ZNF285: variants seen among roughly 807,000 people sequenced by gnomAD.
ZNF285 encodes zinc finger protein 285, also known as zinc finger protein 285A.
Under a neutral mutation model 6.2 loss-of-function variants are expected in ZNF285, and 4 were observed. The ratio of observed to expected loss-of-function variants is 0.65; its 90% confidence interval spans 0.32 to 1.49. The LOEUF is 1.49. ZNF285 is among the 40% of genes most tolerant of loss of function. The pLI is 0.07. For missense variants in ZNF285, 695 were observed against 708.8 expected, an observed-to-expected ratio of 0.98 and a Z score of 0.22; for synonymous variants, 240 against 245.8, an observed-to-expected ratio of 0.98 and a Z score of 0.22.
rs1367898455 is a variant in ZNF285 at position 44,384,962 on chromosome 19, A to G, written c.*1510T>C. The G allele has an allele frequency of 2.2e-5, 3 of 138,476 alleles. No homozygotes were observed. The highest frequency in any genetic ancestry group is 4.5e-5 in the Non-Finnish European group (3 of 66,588). The allele number at this position is 138,476 out of a possible 1,614,324, so 8.6% of individuals were successfully genotyped here. A position where few individuals can be genotyped will look rare whatever the true frequency, so the allele number is the denominator to read the frequency against. ...CAGCGAGCAATGATCAGGCCACTGCACTCCAGCCACCTGGGTGACACAGCA... is the reference window on the plus strand; with the variant it reads ...CAGCGAGCAATGATCAGGCCACTGCGCTCCAGCCACCTGGGTGACACAGCA... On this transcript the variant is annotated 3_prime_UTR_variant, in exon 4 of 4. Transcript: ENST00000614994.
chr19:44,383,218 A>T lies in ZNF285; in HGVS notation c.*3254T>A, dbSNP rs1971027099. On this transcript the variant is annotated 3_prime_UTR_variant, in exon 4 of 4. Coordinates refer to ENST00000614994, the MANE Select transcript of ZNF285 (RefSeq NM_152354.6). ...TAACATTATTCTCTAGCATAAAAAT[A>T]GTATCTTCCTTTTCCTTCCAATGAT... 6.6e-6 allele frequency: 1 copy of T among 152,212 alleles called. No homozygotes were observed. 9.4% of individuals were successfully genotyped at this position (152,212 alleles called of 1,614,324 possible). A position where few individuals can be genotyped will look rare whatever the true frequency, so the allele number is the denominator to read the frequency against.
chr19:44,394,855 C>A (rs986978444), intron 2 of ZNF285, among the ~76,000 whole-genome samples: 4 of 152,186 alleles, frequency 2.6e-5, no homozygotes, highest in African/African-American at 9.7e-5. Flanking sequence ...AATAGCACCA[C>A]TCTCTCAGTA....
At position 44,385,201 on chromosome 19, in the gene ZNF285, T is replaced by A. The variant is rs1054456291; in HGVS notation, c.*1271A>T. On this transcript the variant is annotated 3_prime_UTR_variant, in exon 4 of 4. Coordinates refer to ENST00000614994, the MANE Select transcript of ZNF285 (RefSeq NM_152354.6). ...TTTTACATGTTGTTGGTCACTTTAG[T>A]AAATGTTGATTTTATTCAATTAATT... 1.3e-5 allele frequency: 2 copies of A among 152,164 alleles called. No individual in the cohort carries two copies. The highest frequency in any genetic ancestry group is 2.9e-5 in the Non-Finnish European group (2 of 68,024). 9.4% of individuals were successfully genotyped at this position (152,164 alleles called of 1,614,324 possible).
intron 2 of ZNF285, among the ~76,000 whole-genome samples, chr19:44,394,089 T>A (rs1361998747): frequency 1.2e-4 from 18 of 152,134 alleles, no homozygotes; most frequent in Non-Finnish European, 1.9e-4. Flanking sequence ...CATAAAAAAA[T>A]GATGAGTTCA....
At chr19:44,398,699 G>T (rs1971325703) in intron 1 of ZNF285, among the ~76,000 whole-genome samples, 1 of 152,074 alleles carries the variant, frequency 6.6e-6, no homozygotes, top group South Asian at 2.1e-4. Context: ...TACCCAATTT[G>T]AGTGTTCTGT....
At position 44,386,985 on chromosome 19, in the gene ZNF285, C is replaced by T; in HGVS notation, c.1260G>A (p.Arg420=). Residue 420 remains arginine (R), a synonymous_variant, in exon 4 of 4, where the codon AGG becomes AGA. Transcript: ENST00000614994. The part of the protein sequence containing the change: ...SSSSVLQVHW[R]FHTGEKPYRC... ...TATATGGTTTCTCCCCTGTGTGAAA[C>T]CTCCAGTGGACTTGAAGAACGGAGC... 1 of 1,613,958 alleles carries T rather than the reference C, an allele frequency of 6.2e-7. No homozygotes were observed. Among genetic ancestry groups the T allele is most frequent in the Non-Finnish European group, 8.5e-7 (1 of 1,179,988 alleles).
rs746510990 is a variant in ZNF285, at chr19:44,386,093, T to A, written c.*379A>T. 8.7e-5 allele frequency: 16 copies of A among 183,848 alleles called. No individual in the cohort carries two copies. The highest frequency in any genetic ancestry group is 8.2e-5 in the Non-Finnish European group (7 of 85,490). The allele number at this position is 183,848 out of a possible 1,614,324, so 11.4% of individuals were successfully genotyped here. On this transcript the variant is annotated 3_prime_UTR_variant, in exon 4 of 4. Coordinates refer to ENST00000614994, the MANE Select transcript of ZNF285 (RefSeq NM_152354.6). Reference sequence around the variant, plus strand: ...GAATGTTCTTCATACAGAGAGTATTTTTCTACTGGGGACTAAAAAAAAATC... The same window carrying A: ...GAATGTTCTTCATACAGAGAGTATTATTCTACTGGGGACTAAAAAAAAATC...
intron 1 of ZNF285, among the ~76,000 whole-genome samples, chr19:44,398,050 A>C (rs1971313970): frequency 6.6e-6 from 1 of 152,148 alleles, no homozygotes; most frequent in African/African-American, 2.4e-5. Context: ...CCCAATTTTT[A>C]TTATTATGTT....
At chr19:44,391,102 C>T (rs190298242) in intron 3 of ZNF285, among the ~76,000 whole-genome samples, 1 of 149,032 alleles carries the variant, frequency 6.7e-6, no homozygotes, top group East Asian at 2.0e-4. Context: ...TGCAGTGAGC[C>T]AAGATAGCAC....
At chr19:44,391,021 G>T (rs570966810) in intron 3 of ZNF285, among the ~76,000 whole-genome samples, 1 of 152,066 alleles carries the variant, frequency 6.6e-6, no homozygotes, top group East Asian at 1.9e-4. Flanking sequence ...GGGTGTGGTG[G>T]TGCATGTCTG....
chr19:44,389,407 G>A (rs1315357251), intron 3 of ZNF285, among the ~76,000 whole-genome samples: 1 of 152,130 alleles, frequency 6.6e-6, no homozygotes, highest in Non-Finnish European at 1.5e-5. Context: ...CAGGGAAAGG[G>A]AGACCATGAG....
At chr19:44,394,341 A>G (rs1971244964) in intron 2 of ZNF285, among the ~76,000 whole-genome samples, 1 of 152,134 alleles carries the variant, frequency 6.6e-6, no homozygotes, top group Admixed American at 6.5e-5. Flanking sequence ...CAGCACACCA[A>G]CATGGCACAT....
intron 3 of ZNF285, among the ~76,000 whole-genome samples, chr19:44,389,510 G>C (rs8109513): frequency 6.6e-6 from 1 of 152,086 alleles, no homozygotes; most frequent in African/African-American, 2.4e-5. Context: ...GAATAGGCAC[G>C]AACATCAACA....
chr19:44,385,181 C>T lies in ZNF285; in HGVS notation c.*1291G>A, dbSNP rs1458956425. On this transcript the variant is annotated 3_prime_UTR_variant, in exon 4 of 4. Transcript: ENST00000614994. ...TGCAATGAACACTGTTGGTTTTTTA[C>T]ATGTTGTTGGTCACTTTAGTAAATG... The T allele has an allele frequency of 2.6e-5, 4 of 152,096 alleles. No individual in the cohort carries two copies. Among genetic ancestry groups the T allele is most frequent in the African/African-American group, 9.7e-5 (4 of 41,412 alleles). The allele number at this position is 152,096 out of a possible 1,614,324, so 9.4% of individuals were successfully genotyped here.
chr19:44,394,591 AC>A, intron 2 of ZNF285: 2 of 557,802 alleles, frequency 3.6e-6, no homozygotes, highest in South Asian at 5.3e-5. Context: ...AATTAAAAAA[AC>A]CATCTCCTCA....
intron 2 of ZNF285, among the ~76,000 whole-genome samples, chr19:44,395,466 A>G (rs527305965): frequency 2.0e-5 from 3 of 152,314 alleles, no homozygotes; most frequent in African/African-American, 7.2e-5. Context: ...TACAACAACT[A>G]ACTGTATGAT....
rs967617379 is a variant in ZNF285, at chr19:44,386,107, T to TA, written c.*364dup. ...CAGAGAGTATTTTTCTACTGGGGAC[T>TA]AAAAAAAAATCTAAAGACGTTGGCT... On this transcript the variant is annotated 3_prime_UTR_variant, in exon 4 of 4. Coordinates refer to ENST00000614994, the MANE Select transcript of ZNF285 (RefSeq NM_152354.6). 1.1e-4 allele frequency: 21 copies of TA among 187,494 alleles called. No homozygotes were observed. Among genetic ancestry groups the TA allele is most frequent in the East Asian group, 6.1e-4 (5 of 8,210 alleles). 11.6% of individuals were successfully genotyped at this position (187,494 alleles called of 1,614,324 possible). A position where few individuals can be genotyped will look rare whatever the true frequency, so the allele number is the denominator to read the frequency against.
At position 44,385,499 on chromosome 19, in the gene ZNF285, A is replaced by T. The variant is rs1971054717; in HGVS notation, c.*973T>A. The T allele has an allele frequency of 1.3e-5, 2 of 152,334 alleles. No homozygotes were observed. The highest frequency in any genetic ancestry group is 4.1e-4 in the South Asian group (2 of 4,828). 9.4% of individuals were successfully genotyped at this position (152,334 alleles called of 1,614,324 possible). A position where few individuals can be genotyped will look rare whatever the true frequency, so the allele number is the denominator to read the frequency against. On this transcript the variant is annotated 3_prime_UTR_variant, in exon 4 of 4. Transcript: ENST00000614994. ...GGTTGCACTGCCACATCAAGCCTTA[A>T]AGATTTAAAAGTTTTGAACTCTGAA...
In ZNF285 at chr19:44,382,512, C is replaced by G. The variant is rs186943733; in HGVS notation, c.*3960G>C. ...ACGGGGTTTCACTATGTTGGCCAGG[C>G]TGGTCTCAAACTCCTGATCTTGTGA... On this transcript the variant is annotated 3_prime_UTR_variant, in exon 4 of 4. Transcript: ENST00000614994. The G allele has an allele frequency of 2.0e-5, 3 of 152,020 alleles. No homozygotes were observed. Among genetic ancestry groups the G allele is most frequent in the Non-Finnish European group, 4.4e-5 (3 of 68,032 alleles). 9.4% of individuals were successfully genotyped at this position (152,020 alleles called of 1,614,324 possible).
Sources: allele counts gnomAD v4.1 joint callset (sites outside exome capture counted in the v4.1 genomes callset), GRCh38; gene constraint gnomAD v4.1.1; transcripts MANE v1.5; gene names NCBI Gene and HGNC (gene_info 2026-07-23, HGNC 2026-07-21).